The following TFDP2 variants were observed in gnomAD, a reference collection of about 807,000 sequenced individuals.
The protein encoded by TFDP2 is transcription factor Dp-2.
TFDP2 carries 17 observed loss-of-function variants against 59.3 expected under a neutral mutation model. That is an observed-to-expected ratio of 0.29 (90% CI 0.20 to 0.43). The LOEUF (loss-of-function observed/expected upper bound fraction) is 0.43, where lower values mean the gene tolerates loss of function less well. Ranked by LOEUF, TFDP2 falls within the 20% of genes least tolerant of loss-of-function variation. The pLI is 1.00. For missense variants in TFDP2, 391 were observed against 528.8 expected (o/e 0.74, Z 2.56); for synonymous variants, 180 against 194.7 (o/e 0.92, Z 0.63).
intron 4 of TFDP2, among the ~76,000 whole-genome samples, chr3:141,997,989 C>G (rs1030965867): frequency 6.6e-6 from 1 of 151,686 alleles, no homozygotes; most frequent in African/African-American, 2.4e-5. Flanking sequence ...TTTTCCCTCC[C>G]TCATTGTCAG....
intron 2 of TFDP2, among the ~76,000 whole-genome samples, chr3:142,100,411 C>A (rs2061284675): frequency 1.3e-5 from 2 of 152,138 alleles, no homozygotes. Context: ...TCGCTCTTGT[C>A]CCCCAGGCTG....
chr3:142,116,338 C>A (rs1560161846), intron 1 of TFDP2, among the ~76,000 whole-genome samples: 2 of 152,200 alleles, frequency 1.3e-5, no homozygotes, highest in South Asian at 4.1e-4. Context: ...GTGCTGGGAT[C>A]ACAGGTGTGA....
At chr3:142,000,261 G>A (rs1469562639) in intron 4 of TFDP2, 2 of 702,826 alleles carry the variant, frequency 2.8e-6, no homozygotes, top group South Asian at 1.5e-5. Context: ...CTGTTCTGGA[G>A]GTTGCTGAGA....
At chr3:142,003,234 C>T (rs900389973) in intron 4 of TFDP2, among the ~76,000 whole-genome samples, 5 of 152,058 alleles carry the variant, frequency 3.3e-5, no homozygotes, top group East Asian at 1.9e-4. Flanking sequence ...CTCCTGACCT[C>T]GTGATCCACC....
At chr3:142,126,232 G>A (rs2062243973) in intron 1 of TFDP2, 1 of 147,868 alleles carries the variant, frequency 6.8e-6, no homozygotes, top group African/African-American at 2.5e-5. Context: ...AGGCTGGAGT[G>A]AAGTGGCACG....
intron 3 of TFDP2, among the ~76,000 whole-genome samples, chr3:142,062,993 C>T (rs183989402): frequency 1.4e-4 from 21 of 152,272 alleles, no homozygotes; most frequent in African/African-American, 4.1e-4. Context: ...ACAAGGCATG[C>T]TTCTAGGGTG....
chr3:142,142,987 G>A (rs922620091), intron 1 of TFDP2, among the ~76,000 whole-genome samples: 4 of 152,240 alleles, frequency 2.6e-5, no homozygotes, highest in Non-Finnish European at 5.9e-5. Context: ...TGTAATCCCA[G>A]CACTTTGGGA....
intron 3 of TFDP2, among the ~76,000 whole-genome samples, chr3:142,023,180 A>C (rs1945788301): frequency 6.6e-6 from 1 of 151,226 alleles, no homozygotes; most frequent in Non-Finnish European, 1.5e-5. Flanking sequence ...TTGGGTTTTT[A>C]AAATAAGTTT....
intron 7 of TFDP2, among the ~76,000 whole-genome samples, chr3:141,977,532 C>A (rs1576545932): frequency 6.6e-6 from 1 of 152,012 alleles, no homozygotes; most frequent in Non-Finnish European, 1.5e-5. Context: ...GTAGAGGTTT[C>A]ATTGAGCCGA....
At chr3:142,025,399 C>A (rs758219984) in intron 3 of TFDP2, among the ~76,000 whole-genome samples, 3 of 152,220 alleles carry the variant, frequency 2.0e-5, no homozygotes, top group Non-Finnish European at 4.4e-5. Context: ...GTCTTCATTT[C>A]TCAATTTGAA....
intron 1 of TFDP2, among the ~76,000 whole-genome samples, chr3:142,103,264 T>TA (rs1008690582): frequency 2.0e-4 from 30 of 151,010 alleles, no homozygotes; most frequent in African/African-American, 7.3e-4. Context: ...ATAAAAAATT[T>TA]AAAAAAAGAC....
At chr3:141,993,690 C>T in intron 5 of TFDP2, 105 bp from the exon 6 acceptor site, 1 of 570,986 alleles carries the variant, frequency 1.8e-6, no homozygotes, top group Non-Finnish European at 2.9e-6. Context: ...TGAATATATT[C>T]AAAGACTAAA....
chr3:142,038,543 T>C (rs1946805705), intron 3 of TFDP2, among the ~76,000 whole-genome samples: 2 of 152,084 alleles, frequency 1.3e-5, no homozygotes, highest in Non-Finnish European at 1.5e-5. Context: ...TGCTAATTGA[T>C]AGAGGAAAAA....
chr3:141,993,278 T>C (rs554543073), intron 6 of TFDP2, among the ~76,000 whole-genome samples: 35 of 152,256 alleles, frequency 2.3e-4, no homozygotes, highest in African/African-American at 7.7e-4. Context: ...ATAGAACTCT[T>C]CATTTACCAG....
rs543780601 is a variant in TFDP2, at chr3:142,001,415, C to T, written c.186+4026G>A. ...GGTTTCATTAGCGCCTGAAGCCCCT[C>T]TTTTGATAGTTCTGTCCCCCATGCC... On this transcript the variant is annotated intron_variant, in intron 4 of 12. Coordinates refer to ENST00000489671, the MANE Select transcript of TFDP2 (RefSeq NM_001178139.2). Among the ~76,000 whole-genome samples the T allele has an allele frequency of 2.4e-3, 369 of 151,908 alleles. 6 individuals are homozygous for T. The highest frequency in any genetic ancestry group is 8.6e-3 in the African/African-American group (359 of 41,558).
intron 1 of TFDP2, chr3:142,145,603 G>C (rs1298276755): frequency 6.6e-6 from 1 of 152,030 alleles, no homozygotes; most frequent in Non-Finnish European, 1.5e-5. Flanking sequence ...GCCGGGTATG[G>C]TGGCAAGCGC....
chr3:142,054,609 C>T (rs1202264902), intron 3 of TFDP2, among the ~76,000 whole-genome samples: 5 of 152,140 alleles, frequency 3.3e-5, no homozygotes, highest in Non-Finnish European at 5.9e-5. Flanking sequence ...GCACAGGTTT[C>T]ATAATTCTCA....
In TFDP2 at chr3:142,149,222, GT is replaced by G; in HGVS notation, c.-133del. On this transcript the variant is annotated 5_prime_UTR_variant, in exon 1 of 13. Transcript: ENST00000489671. ...GAAGAACTGGCGGCCAAGCGAGGCT[GT>G]CGGGCCGAGCCAGGAGCGCGTCTTC... 2 of 397,778 alleles carry G rather than the reference GT, an allele frequency of 5.0e-6. No individual in the cohort carries two copies. 24.6% of individuals were successfully genotyped at this position (397,778 alleles called of 1,614,324 possible).
chr3:141,969,091 C>CAT (rs374942084), intron 9 of TFDP2, among the ~76,000 whole-genome samples: 2 of 43,244 alleles, frequency 4.6e-5, no homozygotes, highest in South Asian at 6.4e-4. Flanking sequence ...ATATATATAA[C>CAT]ATATATATAT....
Sources: allele counts gnomAD v4.1 joint callset (sites outside exome capture counted in the v4.1 genomes callset), GRCh38; gene constraint gnomAD v4.1.1; transcripts MANE v1.5; gene names NCBI Gene and HGNC (gene_info 2026-07-23, HGNC 2026-07-21).